The following GRIN2A variants were observed in gnomAD, a reference collection of about 807,000 sequenced individuals.
GRIN2A encodes the protein glutamate ionotropic receptor NMDA type subunit 2A.
A neutral mutation model predicts 113.4 loss-of-function variants in GRIN2A; 22 were observed. The observed-to-expected ratio is 0.19, with a 90% CI of 0.14 to 0.28. The LOEUF (loss-of-function observed/expected upper bound fraction) is 0.28. GRIN2A is among the 10% of genes least tolerant of loss of function. GRIN2A has a pLI of 1.00. For missense variants in GRIN2A, 1,502 were observed against 1,887.0 expected (o/e 0.80, Z 3.78); for synonymous variants, 827 against 738.4 (o/e 1.12, Z -1.94).
chr16:10,023,526 G>T (rs1340049658), intron 2 of GRIN2A, among the ~76,000 whole-genome samples: 1 of 152,094 alleles, frequency 6.6e-6, no homozygotes, highest in Non-Finnish European at 1.5e-5. Flanking sequence ...ACACCAATAT[G>T]AGCCCATTTT....
At chr16:9,972,794 G>T (rs1366689653) in intron 2 of GRIN2A, among the ~76,000 whole-genome samples, 1 of 152,216 alleles carries the variant, frequency 6.6e-6, no homozygotes, top group Non-Finnish European at 1.5e-5. Flanking sequence ...CCACTGTCTA[G>T]ACAGAGCCGA....
chr16:10,075,623 G>A (rs940109337), intron 2 of GRIN2A, among the ~76,000 whole-genome samples: 9 of 152,082 alleles, frequency 5.9e-5, no homozygotes, highest in Non-Finnish European at 1.2e-4. Context: ...CAATAAAAAG[G>A]AACCAGTCCA....
chr16:9,815,116 T>C (rs2042161321), intron 10 of GRIN2A, among the ~76,000 whole-genome samples: 1 of 151,978 alleles, frequency 6.6e-6, no homozygotes, highest in Non-Finnish European at 1.5e-5. Flanking sequence ...TGTTTTTCAA[T>C]GCAAAACTTT....
chr16:9,870,558 T>C (rs897856012), intron 4 of GRIN2A, among the ~76,000 whole-genome samples: 7 of 152,090 alleles, frequency 4.6e-5, no homozygotes, highest in East Asian at 1.9e-4. Context: ...CAGAGTCACA[T>C]AGATGTGAAA....
chr16:9,869,247 A>G (rs1331075136), intron 4 of GRIN2A, among the ~76,000 whole-genome samples: 4 of 152,238 alleles, frequency 2.6e-5, no homozygotes, highest in Non-Finnish European at 5.9e-5. Context: ...AGCCCGGGCA[A>G]CATGGCAAAA....
intron 2 of GRIN2A, among the ~76,000 whole-genome samples, chr16:10,125,030 A>C (rs565915121): frequency 6.6e-5 from 10 of 152,284 alleles, no homozygotes; most frequent in African/African-American, 2.4e-4. Flanking sequence ...ACAAAGCCCC[A>C]AAAAAGCACG....
chr16:9,892,324 A>G (rs1336265161), intron 3 of GRIN2A, among the ~76,000 whole-genome samples: 1 of 152,216 alleles, frequency 6.6e-6, no homozygotes, highest in Admixed American at 6.5e-5. Flanking sequence ...AAGGCTGTGT[A>G]GAGAATAGAT....
At chr16:9,849,648 T>C in intron 5 of GRIN2A, 108 bp downstream of exon 5, 1 of 875,500 alleles carries the variant, frequency 1.1e-6, no homozygotes, top group Non-Finnish European at 2.0e-6. Context: ...TAACGACGTG[T>C]ATTTTCTATG....
chr16:9,986,587 A>G (rs2045982711), intron 2 of GRIN2A, among the ~76,000 whole-genome samples: 1 of 151,844 alleles, frequency 6.6e-6, no homozygotes, highest in Non-Finnish European at 1.5e-5. Flanking sequence ...ACATAGTGAA[A>G]CCCCGTCTCT....
chr16:9,953,612 T>A (rs2045233709), intron 2 of GRIN2A, among the ~76,000 whole-genome samples: 2 of 151,946 alleles, frequency 1.3e-5, no homozygotes, highest in African/African-American at 2.4e-5. Context: ...TTGACAGCTG[T>A]GCATGGCATC....
At chr16:9,792,444 G>C (rs1277355854) in intron 11 of GRIN2A, among the ~76,000 whole-genome samples, 1 of 151,998 alleles carries the variant, frequency 6.6e-6, no homozygotes, top group African/African-American at 2.4e-5. Context: ...GGCTGATCTT[G>C]ACCTCCTGGA....
intron 10 of GRIN2A, among the ~76,000 whole-genome samples, chr16:9,806,210 T>A (rs1314245191): frequency 6.6e-6 from 1 of 152,244 alleles, no homozygotes; most frequent in East Asian, 1.9e-4. Context: ...TGATCAGGAT[T>A]TGGACCACAA....
chr16:9,837,821 G>A (rs951917966), intron 7 of GRIN2A, among the ~76,000 whole-genome samples: 1 of 152,146 alleles, frequency 6.6e-6, no homozygotes, highest in Non-Finnish European at 1.5e-5. Flanking sequence ...CATGTCAGAC[G>A]GAGGGACAAA....
chr16:10,002,377 C>T (rs971701943), intron 2 of GRIN2A, among the ~76,000 whole-genome samples: 7 of 152,124 alleles, frequency 4.6e-5, no homozygotes, highest in Admixed American at 2.0e-4. Context: ...AGATGAAACA[C>T]CTAATCTGTG....
chr16:9,768,238 A>AGG (rs200993589), intron 12 of GRIN2A, among the ~76,000 whole-genome samples: 17 of 150,982 alleles, frequency 1.1e-4, no homozygotes, highest in Non-Finnish European at 1.6e-4. Context: ...TTAGTAGAGA[A>AGG]GGGGGGGGTC....
intron 2 of GRIN2A, among the ~76,000 whole-genome samples, chr16:10,046,136 G>A (rs937014260): frequency 1.3e-5 from 2 of 152,000 alleles, no homozygotes; most frequent in African/African-American, 4.8e-5. Flanking sequence ...TTAGGGGTGA[G>A]CACGTGATCC....
At chr16:9,769,121 G>A (rs762123365) in intron 11 of GRIN2A, 32 bp from the exon 12 acceptor site, 1 of 1,536,502 alleles carries the variant, frequency 6.5e-7, no homozygotes, top group Non-Finnish European at 9.0e-7. Flanking sequence ...CAGGCAGTGA[G>A]GACCAGAACA....
At position 9,762,147 on chromosome 16, in the gene GRIN2A, G is replaced by T. The variant is rs144997779; in HGVS notation, c.*1002C>A. ...CCACATTAACAACTCTGGGAAGAGCGATACACAGCTAATTGGACACCACCA... is the reference window on the plus strand; with the variant it reads ...CCACATTAACAACTCTGGGAAGAGCTATACACAGCTAATTGGACACCACCA... On this transcript the variant is annotated 3_prime_UTR_variant, in exon 13 of 13. Transcript: ENST00000330684. 9.3e-6 allele frequency: 2 copies of T among 216,022 alleles called. No individual in the cohort carries two copies. Among genetic ancestry groups the T allele is most frequent in the Admixed American group, 5.8e-5 (1 of 17,154 alleles). The allele number at this position is 216,022 out of a possible 1,614,324, so 13.4% of individuals were successfully genotyped here.
intron 2 of GRIN2A, among the ~76,000 whole-genome samples, chr16:10,177,198 T>C (rs2050165672): frequency 6.6e-6 from 1 of 152,236 alleles, no homozygotes; most frequent in Admixed American, 6.5e-5. Flanking sequence ...CTATATATGT[T>C]ACTAATGGAA....
Sources: allele counts gnomAD v4.1 joint callset (sites outside exome capture counted in the v4.1 genomes callset), GRCh38; gene constraint gnomAD v4.1.1; transcripts MANE v1.5; gene names NCBI Gene and HGNC (gene_info 2026-07-23, HGNC 2026-07-21).